Variants in PATE2 observed in about 807,000 individuals in gnomAD.
PATE2 encodes the protein prostate and testis expressed protein 2.
PATE2 carries 7 observed loss-of-function variants against 10.5 expected under a neutral mutation model. The ratio of observed to expected loss-of-function variants is 0.66; its 90% CI spans 0.38 to 1.25. PATE2 has a LOEUF of 1.25. Ranked by LOEUF, PATE2 falls within the 50% of genes most tolerant of loss-of-function variation. The pLI, the probability that PATE2 is intolerant of heterozygous loss-of-function variation, is 0.02. For missense variants in PATE2, 133 were observed against 135.4 expected, an observed-to-expected ratio of 0.98 and a Z score of 0.09; for synonymous variants, 44 against 46.9, an observed-to-expected ratio of 0.94 and a Z score of 0.25.
At chr11:125,778,107 AT>A in intron 2 of PATE2, 105 bp from the exon 3 acceptor site, 1 of 1,282,560 alleles carries the variant, frequency 7.8e-7, no homozygotes, top group Non-Finnish European at 1.1e-6. Context: ...GGTTCCTAAC[AT>A]TTTTTGGACC....
Position 125,777,453 on chromosome 11 carries a change from C to G in PATE2, c.271G>C (p.Gly91Arg). The change falls in exon 4 of 4, where the codon GGG (glycine) becomes CGG (arginine). Residue 91 changes from glycine to arginine, a missense_variant. By Grantham distance (125) the Gly-to-Arg change is moderately radical. Transcript: ENST00000358524. ...MTSCEDINFLGFTKRVELICC... is the reference protein window; with the variant it reads ...MTSCEDINFLRFTKRVELICC... ...ATGAGCTCTACCCTCTTCGTGAACC[C>G]CAGGAAGTTGATGTCCTCACAGCTG... The G allele has an allele frequency of 6.2e-7, 1 of 1,613,622 alleles. No individual in the cohort carries two copies. The highest frequency in any genetic ancestry group is 8.5e-7 in the Non-Finnish European group (1 of 1,179,736).
chr11:125,777,773 T>C (rs1943499962), intron 3 of PATE2, 101 bp downstream of exon 3: 4 of 1,424,502 alleles, frequency 2.8e-6, no homozygotes, highest in Non-Finnish European at 3.8e-6. Flanking sequence ...CACCCCATAC[T>C]CACCCATCCC....
intron 3 of PATE2, 102 bp downstream of exon 3, chr11:125,777,772 C>T (rs1943499936): frequency 2.1e-6 from 3 of 1,422,010 alleles, no homozygotes; most frequent in Non-Finnish European, 2.9e-6. Context: ...CCACCCCATA[C>T]TCACCCATCC....
Position 125,776,696 on chromosome 11 carries a change from G to A in PATE2, c.*686C>T, listed in dbSNP as rs1028815893. 1.3e-5 allele frequency: 2 copies of A among 152,194 alleles called. No homozygotes were observed. Among genetic ancestry groups the A allele is most frequent in the African/African-American group, 4.8e-5 (2 of 41,448 alleles). The allele number at this position is 152,194 out of a possible 1,614,324, so 9.4% of individuals were successfully genotyped here. A position where few individuals can be genotyped will look rare whatever the true frequency, so the allele number is the denominator to read the frequency against. On this transcript the variant is annotated 3_prime_UTR_variant, in exon 4 of 4. Transcript: ENST00000358524. ...CACCTAGTTCAACCATGTGCCCAAG[G>A]CTGCCTGGCCAGCCAGGGCAATGAT...
At position 125,777,014 on chromosome 11, in the gene PATE2, GAGGA is replaced by G; in HGVS notation, c.*364_*367del. 1.2e-5 allele frequency: 2 copies of G among 163,520 alleles called. No homozygotes were observed. Among genetic ancestry groups the G allele is most frequent in the Non-Finnish European group, 2.7e-5 (2 of 75,450 alleles). 10.1% of individuals were successfully genotyped at this position (163,520 alleles called of 1,614,324 possible). A position where few individuals can be genotyped will look rare whatever the true frequency, so the allele number is the denominator to read the frequency against. On this transcript the variant is annotated 3_prime_UTR_variant, in exon 4 of 4. Transcript: ENST00000358524. ...AACGGAGAGGAGTGTGTGTGTAGAT[GAGGA>G]TAGAGGATAGTCACAGAATTCTCAG... is the stretch of plus-strand genomic sequence containing the variant.
Position 125,778,595 on chromosome 11 carries a change from C to G in PATE2, c.53-20G>C, listed in dbSNP as rs766163679. The G allele has an allele frequency of 4.3e-6, 7 of 1,613,364 alleles. No homozygotes were observed. Among genetic ancestry groups the G allele is most frequent in the Non-Finnish European group, 5.9e-6 (7 of 1,179,492 alleles). ...GTTCACCTGTGAAAAGAAGAAAAACCTTCCATGTTACAGTCTCACATACAT... is the reference window on the plus strand; with the variant it reads ...GTTCACCTGTGAAAAGAAGAAAAACGTTCCATGTTACAGTCTCACATACAT... On this transcript the variant is annotated intron_variant, in intron 1 of 3. Transcript: ENST00000358524.
At position 125,777,522 on chromosome 11, in the gene PATE2, A is replaced by C. The variant is rs1164197978; in HGVS notation, c.206-4T>G. 1 of 1,613,440 alleles carries C rather than the reference A, an allele frequency of 6.2e-7. No individual in the cohort carries two copies. Among genetic ancestry groups the C allele is most frequent in the Non-Finnish European group, 8.5e-7 (1 of 1,179,628 alleles). ...GAATAATGATACATGCTCTGCCCTG[A>C]GGAGGTAAAAGAGAGGAAATATGAT... On this transcript the variant is annotated splice_region_variant and splice_polypyrimidine_tract_variant and intron_variant, in intron 3 of 3. Transcript: ENST00000358524.
At chr11:125,777,549 A>G in intron 3 of PATE2, 31 bp from the exon 4 acceptor site, 1 of 1,612,276 alleles carries the variant, frequency 6.2e-7, no homozygotes, top group Non-Finnish European at 8.5e-7. Flanking sequence ...AAATATGATC[A>G]TAATGACCTC....
chr11:125,777,985 AAC>A lies in PATE2; in HGVS notation c.92_93del (p.Cys31LeufsTer2), dbSNP rs766928179. ...CCAAGATGATATTTTTTACATTCAT[AAC>A]ACATTATTTCAGTCGCTGCCAGATA... ...HDPIKATEIM[C>X]YECKKYHLGL... On this transcript the variant is annotated frameshift_variant, in exon 3 of 4. Coordinates refer to ENST00000358524, the MANE Select transcript of PATE2 (RefSeq NM_212555.3). LOFTEE classifies it high-confidence loss of function. 2 of 1,613,208 alleles carry A rather than the reference AAC, an allele frequency of 1.2e-6. No individual in the cohort carries two copies. The highest frequency in any genetic ancestry group is 1.7e-6 in the Non-Finnish European group (2 of 1,179,450).
At chr11:125,777,621 G>A in intron 3 of PATE2, 103 bp from the exon 4 acceptor site, 1 of 1,431,542 alleles carries the variant, frequency 7.0e-7, no homozygotes. Context: ...CCTTTCTCTA[G>A]GCCCAAATGA....
Position 125,777,662 on chromosome 11 carries a change from C to T in PATE2, c.206-144G>A, listed in dbSNP as rs150292455. On this transcript the variant is annotated intron_variant, in intron 3 of 3. Transcript: ENST00000358524. ...AAAGCTGAGTCTGTTAATTGCTGAC[C>T]CAGAGAGTAGATTTTATTCCCTGCC... 3.0e-5 allele frequency: 36 copies of T among 1,202,006 alleles called. No individual in the cohort carries two copies. In the African/African-American group the frequency reaches 4.0e-4, roughly 13 times the overall value. The allele number at this position is 1,202,006 out of a possible 1,614,324, so 74.5% of individuals were successfully genotyped here.
In PATE2 at chr11:125,778,559, AG is replaced by A; in HGVS notation, c.68del (p.Pro23LeufsTer2). 1 of 1,613,526 alleles carries A rather than the reference AG, an allele frequency of 6.2e-7. No homozygotes were observed. Among genetic ancestry groups the A allele is most frequent in the Middle Eastern group, 1.7e-4 (1 of 6,054 alleles). ...GAGAAGCCATGATTGTACCTTTTAT[AG>A]GGTCATGAAGTTCACCTGTGAAAAG... ...LCPYWGELHD[P>X]IKATEIMCYE... On this transcript the variant is annotated frameshift_variant, in exon 2 of 4. Transcript: ENST00000358524. LOFTEE classifies it high-confidence loss of function.
rs1046603303 is a variant in PATE2, at chr11:125,777,191, G to A, written c.*191C>T. 1.3e-5 allele frequency: 8 copies of A among 601,022 alleles called. No homozygotes were observed. Among genetic ancestry groups the A allele is most frequent in the African/African-American group, 1.1e-4 (6 of 53,940 alleles). 37.2% of individuals were successfully genotyped at this position (601,022 alleles called of 1,614,324 possible). A position where few individuals can be genotyped will look rare whatever the true frequency, so the allele number is the denominator to read the frequency against. Reference sequence around the variant, plus strand: ...AGCGACAGGGATGTGCAAAGAGTGAGTCTAGTGCTCCATCATCAATAGGCT... The same window carrying A: ...AGCGACAGGGATGTGCAAAGAGTGAATCTAGTGCTCCATCATCAATAGGCT... On this transcript the variant is annotated 3_prime_UTR_variant, in exon 4 of 4. Coordinates refer to ENST00000358524, the MANE Select transcript of PATE2 (RefSeq NM_212555.3).
Position 125,777,352 on chromosome 11 carries a change from A to G in PATE2, c.*30T>C, listed in dbSNP as rs1337709989. 1 of 1,608,590 alleles carries G rather than the reference A, an allele frequency of 6.2e-7. No homozygotes were observed. The highest frequency in any genetic ancestry group is 1.1e-5 in the South Asian group (1 of 90,734). On this transcript the variant is annotated 3_prime_UTR_variant, in exon 4 of 4. Coordinates refer to ENST00000358524, the MANE Select transcript of PATE2 (RefSeq NM_212555.3). The stretch of plus-strand genomic sequence containing the variant: ...GAGAAAAAGAGCGTAGTGGTTGAAA[A>G]AGAACCCAAAATCCAGGAGAGACGT...
chr11:125,777,754 C>T (rs1943499724), intron 3 of PATE2, 120 bp downstream of exon 3: 2 of 1,332,952 alleles, frequency 1.5e-6, no homozygotes, highest in Non-Finnish European at 2.0e-6. Context: ...TTTGCCATCC[C>T]CTCAAGACCA....
Position 125,777,021 on chromosome 11 carries a change from G to GC in PATE2, c.*360_*361insG. 4.0e-5 allele frequency: 8 copies of GC among 198,764 alleles called. No individual in the cohort carries two copies. Among genetic ancestry groups the GC allele is most frequent in the South Asian group, 2.2e-4 (2 of 9,108 alleles). 12.3% of individuals were successfully genotyped at this position (198,764 alleles called of 1,614,324 possible). A position where few individuals can be genotyped will look rare whatever the true frequency, so the allele number is the denominator to read the frequency against. ...AGGAGTGTGTGTGTAGATGAGGATA[G>GC]AGGATAGTCACAGAATTCTCAGTAC... On this transcript the variant is annotated 3_prime_UTR_variant, in exon 4 of 4. Transcript: ENST00000358524.
chr11:125,776,132 T>C lies in PATE2; in HGVS notation c.*1250A>G, dbSNP rs1380097155. The C allele has an allele frequency of 1.3e-5, 2 of 152,250 alleles. No homozygotes were observed. The highest frequency in any genetic ancestry group is 2.9e-5 in the Non-Finnish European group (2 of 68,032). The allele number at this position is 152,250 out of a possible 1,614,324, so 9.4% of individuals were successfully genotyped here. On this transcript the variant is annotated 3_prime_UTR_variant, in exon 4 of 4. Coordinates refer to ENST00000358524, the MANE Select transcript of PATE2 (RefSeq NM_212555.3). ...TGCTCATTTACTATCTGTATATCTTTTTCTATTCAGATTTTTTGGCCAATT... is the reference window on the plus strand; with the variant it reads ...TGCTCATTTACTATCTGTATATCTTCTTCTATTCAGATTTTTTGGCCAATT...
At chr11:125,778,426 C>G in intron 2 of PATE2, 126 bp downstream of exon 2, 1 of 1,074,596 alleles carries the variant, frequency 9.3e-7, no homozygotes, top group Non-Finnish European at 1.4e-6. Context: ...TGGCAGGAGG[C>G]GAAACCCCTA....
rs935807546 is a variant in PATE2 at position 125,778,066 on chromosome 11, G to C, written c.77-64C>G. 13 of 1,565,876 alleles carry C rather than the reference G, an allele frequency of 8.3e-6. No individual in the cohort carries two copies. The African/African-American group carries it at 1.8e-4, about 21-fold the overall frequency. On this transcript the variant is annotated intron_variant, in intron 2 of 3. Transcript: ENST00000358524. ...TTGAGAATATTCTCTGGGGCTGGGGGCTTCACTACAGGACCTTATTCTTGC... is the reference window on the plus strand; with the variant it reads ...TTGAGAATATTCTCTGGGGCTGGGGCCTTCACTACAGGACCTTATTCTTGC...
Sources: gnomAD v4.1 joint callset for allele counts on GRCh38, gnomAD v4.1.1 for gene constraint, MANE v1.5 for transcripts, NCBI Gene and HGNC (gene_info 2026-07-23, HGNC 2026-07-21) for gene names.